Variants in PRR16 observed in about 807,000 individuals in gnomAD.
PRR16 encodes protein Largen.
In PRR16, 6 loss-of-function variants were observed where a neutral mutation model predicts 18.2. The observed-to-expected ratio is 0.33, with a 90% CI of 0.18 to 0.65. The LOEUF (loss-of-function observed/expected upper bound fraction) is 0.65, where lower values mean the gene tolerates loss of function less well. Among genes scored for constraint, PRR16 ranks in the 30% least tolerant of loss-of-function variants. The probability of loss-of-function intolerance (pLI) is 0.74; values close to 1 mark genes in which losing one functional copy is unlikely to be tolerated. For synonymous variants in PRR16, 151 were observed against 147.8 expected (o/e 1.02, Z -0.16); for missense variants, 412 against 376.6 (o/e 1.09, Z -0.78).
At chr5:120,696,440 G>C in the PRR16 span, among the ~76,000 whole-genome samples, 1 of 152,092 alleles carries the variant, frequency 6.6e-6, no homozygotes, top group African/African-American at 2.4e-5. Context: ...ATAGTTTCTT[G>C]TATTCAAGTT....
chr5:120,575,223 G>A (rs535118698), intron 1 of PRR16, among the ~76,000 whole-genome samples: 8 of 151,684 alleles, frequency 5.3e-5, no homozygotes, highest in South Asian at 4.2e-4. Context: ...GAGGACTGAT[G>A]TATTTACCAG....
chr5:120,663,266 GT>G (rs1162665438), intron 1 of PRR16, among the ~76,000 whole-genome samples: 1 of 151,682 alleles, frequency 6.6e-6, no homozygotes, highest in East Asian at 1.9e-4. Context: ...TGCCTTCTTA[GT>G]TTTTTTGGTT....
intron 1 of PRR16, chr5:120,481,221 C>T: frequency 1.6e-6 from 1 of 606,832 alleles, no homozygotes; most frequent in South Asian, 1.5e-5. Flanking sequence ...AATCTGGGCT[C>T]ACTGCAACCT....
At chr5:120,715,002 G>C in the PRR16 span, among the ~76,000 whole-genome samples, 1 of 151,964 alleles carries the variant, frequency 6.6e-6, no homozygotes, top group Non-Finnish European at 1.5e-5. Context: ...TGGGGGGTGA[G>C]GGGAGGGAAC....
chr5:120,708,324 C>T, the PRR16 span, among the ~76,000 whole-genome samples: 1 of 152,278 alleles, frequency 6.6e-6, no homozygotes, highest in East Asian at 1.9e-4. Context: ...TTATCAAAAA[C>T]TTTAAAAGTT....
the PRR16 span, among the ~76,000 whole-genome samples, chr5:120,724,023 G>A: frequency 3.3e-5 from 5 of 150,804 alleles, no homozygotes; most frequent in East Asian, 9.8e-4. Flanking sequence ...GGTGACCTCT[G>A]TTTGCAATAT....
At chr5:120,604,952 G>A (rs764579300) in intron 1 of PRR16, among the ~76,000 whole-genome samples, 7 of 152,016 alleles carry the variant, frequency 4.6e-5, no homozygotes, top group Non-Finnish European at 4.4e-5. Flanking sequence ...CTTCTCTGTC[G>A]CTGCCTTTAA....
chr5:120,739,673 T>A, the PRR16 span, among the ~76,000 whole-genome samples: 3 of 152,158 alleles, frequency 2.0e-5, no homozygotes, highest in Non-Finnish European at 4.4e-5. Flanking sequence ...TCTAAGACTT[T>A]CAAAAAATGT....
chr5:120,580,319 G>A (rs1647848239), intron 1 of PRR16, among the ~76,000 whole-genome samples: 1 of 152,120 alleles, frequency 6.6e-6, no homozygotes, highest in Non-Finnish European at 1.5e-5. Flanking sequence ...AGTTTTCAAA[G>A]GGAATGCTTC....
the PRR16 span, among the ~76,000 whole-genome samples, chr5:120,729,785 G>T: frequency 6.6e-6 from 1 of 152,118 alleles, no homozygotes; most frequent in Non-Finnish European, 1.5e-5. Flanking sequence ...AAACAGCATG[G>T]TTCCTGGGAA....
chr5:120,718,768 C>T, the PRR16 span, among the ~76,000 whole-genome samples: 1 of 152,178 alleles, frequency 6.6e-6, no homozygotes, highest in East Asian at 1.9e-4. Flanking sequence ...TATGAGGGTT[C>T]AGCTTTAGGT....
chr5:120,503,908 T>C (rs13357191), intron 1 of PRR16, among the ~76,000 whole-genome samples: 41,007 of 151,336 alleles, frequency 0.27, 6,764 homozygotes, highest in African/African-American at 0.47. Flanking sequence ...TTTGTCCTTG[T>C]GATAGTTTAC....
At chr5:120,725,528 C>T in the PRR16 span, among the ~76,000 whole-genome samples, 1 of 151,902 alleles carries the variant, frequency 6.6e-6, no homozygotes, top group Non-Finnish European at 1.5e-5. Context: ...CACACTCACA[C>T]ATGTCAGGCA....
At chr5:120,578,510 T>A (rs891159626) in intron 1 of PRR16, among the ~76,000 whole-genome samples, 6 of 152,192 alleles carry the variant, frequency 3.9e-5, no homozygotes, top group African/African-American at 1.4e-4. Flanking sequence ...TGGTTTTCTG[T>A]CCCTGTGTTA....
the PRR16 span, among the ~76,000 whole-genome samples, chr5:120,735,148 G>C: frequency 6.6e-6 from 1 of 152,172 alleles, no homozygotes; most frequent in Non-Finnish European, 1.5e-5. Flanking sequence ...CGCTTAGCAA[G>C]AGGTCCTCAA....
chr5:120,605,724 T>C (rs1298653479), intron 1 of PRR16, among the ~76,000 whole-genome samples: 1 of 152,168 alleles, frequency 6.6e-6, no homozygotes, highest in African/African-American at 2.4e-5. Context: ...AGGGTTTGAT[T>C]GTGATATCAG....
chr5:120,750,741 A>T, the PRR16 span, among the ~76,000 whole-genome samples: 1 of 152,134 alleles, frequency 6.6e-6, no homozygotes, highest in African/African-American at 2.4e-5. Context: ...TAAGAATTCA[A>T]TGTATAATGA....
chr5:120,575,318 AACACACACAC>A (rs3047956), intron 1 of PRR16, among the ~76,000 whole-genome samples: 37 of 138,254 alleles, frequency 2.7e-4, no homozygotes, highest in South Asian at 9.5e-4. Flanking sequence ...CAGACAAGGA[AACACACACAC>A]ACACACACAC....
intron 1 of PRR16, among the ~76,000 whole-genome samples, chr5:120,602,015 C>T (rs1195490637): frequency 6.6e-6 from 1 of 151,840 alleles, no homozygotes; most frequent in African/African-American, 2.4e-5. Flanking sequence ...CAGCCTGGTA[C>T]TTTTTGCTTA....
Sources: gnomAD v4.1 joint callset for allele counts (sites outside exome capture counted in the v4.1 genomes callset) on GRCh38, gnomAD v4.1.1 for gene constraint, MANE v1.5 for transcripts, NCBI Gene and HGNC (gene_info 2026-07-23, HGNC 2026-07-21) for gene names.